Variants in PRH1 observed in about 807,000 individuals in gnomAD.
PRH1 encodes the protein proline rich protein HaeIII subfamily 1, also known as salivary acidic proline-rich phosphoprotein 1/2.
In PRH1, 7 loss-of-function variants were observed where a neutral mutation model predicts 7.9. The observed-to-expected ratio is 0.89, with a 90% CI of 0.50 to 1.67. PRH1 has a LOEUF of 1.67. Ranked by LOEUF, PRH1 falls within the 40% of genes most tolerant of loss-of-function variation. The pLI, the probability that PRH1 is intolerant of heterozygous loss-of-function variation, is 0.00. For missense variants in PRH1, 109 were observed against 223.6 expected, an observed-to-expected ratio of 0.49 and a Z score of 3.27; for synonymous variants, 45 against 80.8, an observed-to-expected ratio of 0.56 and a Z score of 2.38.
intron 1 of PRH1, among the ~76,000 whole-genome samples, chr12:11,022,935 T>G (rs1941735377): frequency 6.6e-6 from 1 of 152,224 alleles, no homozygotes; most frequent in East Asian, 1.9e-4. Flanking sequence ...ATTTTTTTCC[T>G]TGTTTAACCT....
intron 1 of PRH1, chr12:10,997,833 C>A (rs1225981278): frequency 1.3e-5 from 21 of 1,610,602 alleles, no homozygotes; most frequent in Non-Finnish European, 1.7e-5. Context: ...ATAAATGCAA[C>A]CACTACTAGA....
chr12:11,035,424 C>A (rs1334626648), intron 1 of PRH1, among the ~76,000 whole-genome samples: 1 of 152,098 alleles, frequency 6.6e-6, no homozygotes, highest in Non-Finnish European at 1.5e-5. Context: ...TGGTTTTTAA[C>A]TCTATTGGAT....
chr12:11,159,064 CA>C (rs1215879704), intron 1 of PRH1: 1 of 154,630 alleles, frequency 6.5e-6, no homozygotes, highest in Non-Finnish European at 1.4e-5. Context: ...CCCTTGAGCC[CA>C]GAGAGTTGAG....
At chr12:11,105,207 T>C (rs569251094) in intron 1 of PRH1, among the ~76,000 whole-genome samples, 1 of 151,930 alleles carries the variant, frequency 6.6e-6, no homozygotes, top group Admixed American at 6.6e-5. Context: ...AGAAAAAAAG[T>C]TGAAAAATAA....
At chr12:11,054,197 A>G in intron 1 of PRH1, among the ~76,000 whole-genome samples, 1 of 152,180 alleles carries the variant, frequency 6.6e-6, no homozygotes, top group Non-Finnish European at 1.5e-5. Context: ...ACACAAAATC[A>G]ACATATTTCT....
At chr12:11,038,301 C>T (rs1942534110) in intron 1 of PRH1, among the ~76,000 whole-genome samples, 1 of 152,172 alleles carries the variant, frequency 6.6e-6, no homozygotes, top group African/African-American at 2.4e-5. Flanking sequence ...ATGGATGTTA[C>T]CACACATTGG....
chr12:10,889,944 T>C (rs973221353), intron 2 of PRH1, among the ~76,000 whole-genome samples: 3 of 152,226 alleles, frequency 2.0e-5, no homozygotes, highest in Admixed American at 1.3e-4. Flanking sequence ...TCATGAAGGA[T>C]GGGTACAACA....
In PRH1 at chr12:11,077,544, G is replaced by A. The variant is rs1348354983; in HGVS notation, n.124-30356C>T. The A allele has an allele frequency of 4.6e-5, 55 of 1,204,190 alleles. 9 individuals carry two copies. The Admixed American group carries it at 1.1e-3, about 24-fold the overall frequency. 74.6% of individuals were successfully genotyped at this position (1,204,190 alleles called of 1,614,324 possible). On this transcript the variant is annotated intron_variant and non_coding_transcript_variant, in intron 1 of 4. Transcript: ENST00000541977. ...AGTAAATGGCATATAACATGAGGAA[G>A]GAGATCACAGTTTGCAAAGCTTTTA... is the stretch of plus-strand genomic sequence containing the variant.
chr12:11,006,212 G>A (rs541467834), intron 1 of PRH1: 1 of 150,398 alleles, frequency 6.6e-6, no homozygotes, highest in Admixed American at 6.7e-5. Context: ...ATTATCTTTG[G>A]GTAGTCTTTG....
chr12:10,931,261 A>C (rs1437742797), intron 2 of PRH1: 1 of 1,308,366 alleles, frequency 7.6e-7, no homozygotes, highest in Non-Finnish European at 1.0e-6. Context: ...CAATCTCTTG[A>C]AGGCAATTCC....
upstream of PRH1, among the ~76,000 whole-genome samples, chr12:11,051,108 T>C (rs144149767): frequency 2.1e-3 from 318 of 152,386 alleles, 1 homozygote; most frequent in African/African-American, 7.0e-3. Flanking sequence ...TTAAGTGATA[T>C]AGGTATTCTG....
At chr12:11,133,124 C>CACAG (rs527613432) in intron 1 of PRH1, 1 of 787,436 alleles carries the variant, frequency 1.3e-6, no homozygotes, top group Non-Finnish European at 1.8e-6. Context: ...TTTTCATACA[C>CACAG]ACACACACAC....
intron 1 of PRH1, chr12:11,133,891 A>G: frequency 6.2e-7 from 1 of 1,614,190 alleles, no homozygotes; most frequent in Non-Finnish European, 8.5e-7. Context: ...TTATGCGAAG[A>G]AAAATAAGGT....
At chr12:11,146,322 T>G (rs986525461) in intron 1 of PRH1, among the ~76,000 whole-genome samples, 4 of 152,128 alleles carry the variant, frequency 2.6e-5, no homozygotes, top group Admixed American at 1.3e-4. Context: ...AATAAACTAC[T>G]CTAAATGAGA....
intron 1 of PRH1, chr12:10,986,403 A>G: frequency 6.2e-7 from 1 of 1,614,082 alleles, no homozygotes; most frequent in Non-Finnish European, 8.5e-7. Flanking sequence ...TTCTGCCCAC[A>G]TACTCTCATC....
chr12:10,915,135 C>CA (rs1949955762), intron 2 of PRH1, among the ~76,000 whole-genome samples: 1 of 152,004 alleles, frequency 6.6e-6, no homozygotes, highest in South Asian at 2.1e-4. Flanking sequence ...CTCAAAAAAA[C>CA]AAAAAACAAA....
intron 1 of PRH1, among the ~76,000 whole-genome samples, chr12:11,002,407 A>C (rs1226880538): frequency 6.6e-6 from 1 of 152,096 alleles, no homozygotes; most frequent in Non-Finnish European, 1.5e-5. Flanking sequence ...GAATAAGTTA[A>C]AACCAATGTA....
chr12:10,881,899 A>G (rs145861697), intron 3 of PRH1, among the ~76,000 whole-genome samples: 5 of 152,282 alleles, frequency 3.3e-5, no homozygotes, highest in African/African-American at 1.2e-4. Context: ...AAAACTTTAA[A>G]TGGGAGTCTG....
chr12:11,133,866 T>C, intron 1 of PRH1: 1 of 1,614,046 alleles, frequency 6.2e-7, no homozygotes, highest in Non-Finnish European at 8.5e-7. Context: ...AGAACAACAC[T>C]CTTAACTCTC....
Sources: allele counts gnomAD v4.1 joint callset (sites outside exome capture counted in the v4.1 genomes callset), GRCh38; gene constraint gnomAD v4.1.1; transcripts MANE v1.5; gene names NCBI Gene and HGNC (gene_info 2026-07-23, HGNC 2026-07-21).